TRIO: variants seen among roughly 807,000 people sequenced by gnomAD.
TRIO encodes the protein triple functional domain protein.
In TRIO, 58 loss-of-function variants were observed where a neutral mutation model predicts 351.9. That is an observed-to-expected ratio of 0.16 (90% confidence interval 0.13 to 0.21). TRIO has a LOEUF of 0.21. Among genes scored for constraint, TRIO ranks in the 10% least tolerant of loss-of-function variants. TRIO has a pLI of 1.00. For synonymous variants in TRIO, 1,758 were observed against 1,595.7 expected (o/e 1.10, Z -2.42); for missense variants, 3,201 against 4,027.8 (o/e 0.79, Z 5.56).
intron 2 of TRIO, among the ~76,000 whole-genome samples, chr5:14,279,033 A>T: frequency 6.6e-6 from 1 of 152,198 alleles, no homozygotes. Context: ...CTCTCAACAG[A>T]GTCATTGTAA....
At chr5:14,461,696 G>T (rs759260760) in intron 35 of TRIO, among the ~76,000 whole-genome samples, 6 of 152,206 alleles carry the variant, frequency 3.9e-5, no homozygotes, top group Non-Finnish European at 7.3e-5. Context: ...GAAGATTTGG[G>T]CAGTCTCTGA....
At chr5:14,202,732 T>C (rs1791216128) in intron 1 of TRIO, among the ~76,000 whole-genome samples, 1 of 148,914 alleles carries the variant, frequency 6.7e-6, no homozygotes, top group Admixed American at 6.8e-5. Flanking sequence ...CGTCTGTGAC[T>C]GACCCTTTCC....
At chr5:14,492,918 T>A in intron 49 of TRIO, 104 bp downstream of exon 49, 1 of 1,507,528 alleles carries the variant, frequency 6.6e-7, no homozygotes, top group Non-Finnish European at 8.9e-7. Context: ...GGAAGGGAGA[T>A]CTGCGCTGGT....
chr5:14,476,547 A>T (rs1035630779), intron 40 of TRIO, among the ~76,000 whole-genome samples: 2 of 152,140 alleles, frequency 1.3e-5, no homozygotes, highest in Non-Finnish European at 2.9e-5. Context: ...ATCCCAGCAC[A>T]TTGGGAGGCT....
chr5:14,405,893 G>A lies in TRIO; in HGVS notation c.4762G>A (p.Glu1588Lys), dbSNP rs2152380324. The change falls in exon 32 of 57, where the codon GAA becomes AAA. Residue 1588 changes from glutamate (E) to lysine (K), a missense_variant. Physicochemically the swap from Glu to Lys is moderately conservative, Grantham distance 56. Transcript: ENST00000344204. The part of the protein sequence containing the change: ...NKQDWIKHIR[E>K]VIQERTIHLK... The stretch of plus-strand genomic sequence containing the variant: ...GCAGGACTGGATAAAGCATATCCGC[G>A]AAGTCATCCAGGAGCGGACGATCCA... 4 of 1,613,898 alleles carry A rather than the reference G, an allele frequency of 2.5e-6. No homozygotes were observed. Among genetic ancestry groups the A allele is most frequent in the Admixed American group, 1.7e-5 (1 of 59,990 alleles).
intron 34 of TRIO, among the ~76,000 whole-genome samples, chr5:14,435,611 C>T (rs1402004129): frequency 6.6e-6 from 1 of 152,236 alleles, no homozygotes; most frequent in Non-Finnish European, 1.5e-5. Context: ...ATAGTTTCCT[C>T]ATTCCTTCTG....
chr5:14,387,809 A>G lies in TRIO; in HGVS notation c.3843A>G (p.Glu1281=). 3 of 1,614,214 alleles carry G rather than the reference A, an allele frequency of 1.9e-6. No homozygotes were observed. Among genetic ancestry groups the G allele is most frequent in the Non-Finnish European group, 2.5e-6 (3 of 1,180,038 alleles). Residue 1281 remains glutamate (E), a synonymous_variant, in exon 23 of 57, where the codon GAA becomes GAG. Transcript: ENST00000344204. ...SEVKLRDAAH[E]LNEEKRKSAR... ...TGAAACTTCGAGATGCTGCTCATGAACTTAATGAAGAGAAGCGGAAATCTG... is the reference window on the plus strand; with the variant it reads ...TGAAACTTCGAGATGCTGCTCATGAGCTTAATGAAGAGAAGCGGAAATCTG...
intron 34 of TRIO, among the ~76,000 whole-genome samples, chr5:14,431,829 C>T (rs1751176268): frequency 6.6e-6 from 1 of 152,240 alleles, no homozygotes; most frequent in African/African-American, 2.4e-5. Context: ...TCTGGGGCCT[C>T]TGTCCTTGGC....
In TRIO at chr5:14,461,460, CTG is replaced by C. The variant is rs1383961992; in HGVS notation, c.5496+150_5496+151del. On this transcript the variant is annotated intron_variant, in intron 35 of 56. Coordinates refer to ENST00000344204, the MANE Select transcript of TRIO (RefSeq NM_007118.4). ...ACCATTCAAGTCTCTGCTTAGCAGA[CTG>C]AGATTTAGTGGGGACACTTGAAAGA... is the stretch of plus-strand genomic sequence containing the variant. The C allele has an allele frequency of 3.7e-5, 45 of 1,206,826 alleles. No homozygotes were observed. The Admixed American group carries it at 1.0e-3, about 27-fold the overall frequency. 74.8% of individuals were successfully genotyped at this position (1,206,826 alleles called of 1,614,324 possible). A position where few individuals can be genotyped will look rare whatever the true frequency, so the allele number is the denominator to read the frequency against.
At chr5:14,307,893 G>A (rs1379494874) in intron 8 of TRIO, among the ~76,000 whole-genome samples, 1 of 152,144 alleles carries the variant, frequency 6.6e-6, no homozygotes, top group Non-Finnish European at 1.5e-5. Context: ...GTTTATATCA[G>A]TATGAAAGTA....
chr5:14,190,273 G>A (rs761999299), intron 1 of TRIO, among the ~76,000 whole-genome samples: 11 of 152,168 alleles, frequency 7.2e-5, no homozygotes, highest in Middle Eastern at 3.4e-3. Context: ...TCCAGCTAGC[G>A]GCACAGCCAT....
chr5:14,305,035 C>A (rs761330826), intron 8 of TRIO, among the ~76,000 whole-genome samples: 6 of 152,156 alleles, frequency 3.9e-5, no homozygotes, highest in Admixed American at 6.5e-5. Context: ...GGGTGTATTA[C>A]ATTATTTACT....
In TRIO at chr5:14,387,533, T is replaced by A. The variant is rs770098247; in HGVS notation, c.3666T>A (p.Thr1222=). The A allele has an allele frequency of 1.9e-6, 3 of 1,614,246 alleles. No individual in the cohort carries two copies. The highest frequency in any genetic ancestry group is 2.5e-6 in the Non-Finnish European group (3 of 1,180,032). The change falls in exon 22 of 57, where the codon ACT becomes ACA. Residue 1222 remains threonine, a synonymous_variant. Coordinates refer to ENST00000344204, the MANE Select transcript of TRIO (RefSeq NM_007118.4). The part of the protein sequence containing the change: ...AHAAEIKKCV[T]AVDKRYRDFS... Reference sequence around the variant, plus strand: ...CGGCAGAGATAAAAAAATGTGTTACTGCTGTGGATAAGAGGTACAGAGATT... The same window carrying A: ...CGGCAGAGATAAAAAAATGTGTTACAGCTGTGGATAAGAGGTACAGAGATT...
intron 1 of TRIO, among the ~76,000 whole-genome samples, chr5:14,208,782 C>T (rs1435653608): frequency 6.6e-6 from 1 of 152,218 alleles, no homozygotes; most frequent in Non-Finnish European, 1.5e-5. Context: ...GAGCTTTAAC[C>T]AGTTGAGCTG....
intron 48 of TRIO, chr5:14,488,535 ATCT>A (rs375234181): frequency 1.2e-4 from 62 of 532,576 alleles, no homozygotes; most frequent in African/African-American, 1.1e-3. Context: ...CCAGCAGAAT[ATCT>A]TCTTGGAACT....
intron 11 of TRIO, among the ~76,000 whole-genome samples, chr5:14,350,060 T>C (rs1040537277): frequency 6.6e-6 from 1 of 152,188 alleles, no homozygotes; most frequent in East Asian, 1.9e-4. Context: ...ACGATCTTTC[T>C]TTTTTATGAC....
At chr5:14,318,454 CAA>C (rs35221462) in intron 9 of TRIO, among the ~76,000 whole-genome samples, 226 of 115,472 alleles carry the variant, frequency 2.0e-3, no homozygotes, top group Middle Eastern at 4.6e-3. Flanking sequence ...GACTCCATCT[CAA>C]AAAAAAAAAA....
At chr5:14,428,446 A>T (rs904050557) in intron 34 of TRIO, among the ~76,000 whole-genome samples, 8 of 152,310 alleles carry the variant, frequency 5.3e-5, no homozygotes, top group East Asian at 1.9e-4. Context: ...TGCTAATGTC[A>T]ATTCCTGTGG....
intron 15 of TRIO, among the ~76,000 whole-genome samples, chr5:14,365,107 C>T (rs1744483453): frequency 6.6e-6 from 1 of 152,224 alleles, no homozygotes; most frequent in East Asian, 1.9e-4. Context: ...GATAGTCTGT[C>T]TCTTGCTTGA....
Sources: gnomAD v4.1 joint callset for allele counts (sites outside exome capture counted in the v4.1 genomes callset) on GRCh38, gnomAD v4.1.1 for gene constraint, MANE v1.5 for transcripts, NCBI Gene and HGNC (gene_info 2026-07-23, HGNC 2026-07-21) for gene names.